The following CADPS variants were observed in gnomAD, a reference collection of about 807,000 sequenced individuals.
The protein encoded by CADPS is calcium-dependent secretion activator 1.
CADPS carries 57 observed loss-of-function variants against 167.3 expected under a neutral mutation model. The observed-to-expected ratio is 0.34, with a 90% CI of 0.28 to 0.42. CADPS has a LOEUF of 0.42. Ranked by LOEUF, CADPS falls within the 20% of genes least tolerant of loss-of-function variation. CADPS has a pLI of 1.00. For synonymous variants in CADPS, 676 were observed against 635.3 expected (o/e 1.06, Z -0.96); for missense variants, 1,414 against 1,738.1 (o/e 0.81, Z 3.32).
At chr3:62,789,590 C>G (rs1021691263) in intron 1 of CADPS, among the ~76,000 whole-genome samples, 1 of 152,154 alleles carries the variant, frequency 6.6e-6, no homozygotes, top group African/African-American at 2.4e-5. Flanking sequence ...TACCAATAGG[C>G]TGGCAAAGAA....
intron 24 of CADPS, among the ~76,000 whole-genome samples, chr3:62,471,486 T>C (rs1419963946): frequency 6.6e-6 from 1 of 152,074 alleles, no homozygotes; most frequent in Non-Finnish European, 1.5e-5. Context: ...TGACAGCAAC[T>C]CCCACGCTCC....
At chr3:62,584,033 C>G (rs1001385282) in intron 8 of CADPS, among the ~76,000 whole-genome samples, 1 of 140,764 alleles carries the variant, frequency 7.1e-6, no homozygotes, top group Non-Finnish European at 1.5e-5. Flanking sequence ...GAGATGGAGT[C>G]TCATTCTGTT....
chr3:62,531,713 A>G (rs1030700732), intron 13 of CADPS, among the ~76,000 whole-genome samples: 4 of 152,144 alleles, frequency 2.6e-5, no homozygotes, highest in African/African-American at 9.7e-5. Flanking sequence ...GTGTGGCTTC[A>G]CTGGCTGTTG....
At chr3:62,401,416 C>T (rs888383964) in intron 29 of CADPS, among the ~76,000 whole-genome samples, 2 of 152,174 alleles carry the variant, frequency 1.3e-5, no homozygotes, top group African/African-American at 2.4e-5. Context: ...TTTCTGAATC[C>T]TCCATCTGGT....
At chr3:62,576,869 G>A (rs2082391654) in intron 8 of CADPS, among the ~76,000 whole-genome samples, 1 of 148,786 alleles carries the variant, frequency 6.7e-6, no homozygotes, top group Admixed American at 6.8e-5. Context: ...TGTTGGGAAG[G>A]AAAGTGAGGT....
chr3:62,650,248 A>G (rs912124115), intron 5 of CADPS, among the ~76,000 whole-genome samples: 2 of 152,200 alleles, frequency 1.3e-5, no homozygotes, highest in Non-Finnish European at 2.9e-5. Context: ...TGCATAGTGA[A>G]CTACCTTCCC....
At chr3:62,512,934 A>G (rs1350866113) in intron 16 of CADPS, among the ~76,000 whole-genome samples, 166 bp from the exon 17 acceptor site, 1 of 152,126 alleles carries the variant, frequency 6.6e-6, no homozygotes, top group African/African-American at 2.4e-5. Context: ...TTTGGGGGCC[A>G]GCAAAAAAGG....
intron 19 of CADPS, 39 bp downstream of exon 19, chr3:62,493,606 G>C: frequency 6.6e-7 from 1 of 1,517,678 alleles, no homozygotes; most frequent in Non-Finnish European, 9.0e-7. Context: ...CAGAATAGGG[G>C]TCCACCTCTC....
Position 62,874,201 on chromosome 3 carries a change from C to A in CADPS, c.441+388G>T, listed in dbSNP as rs191208683. On this transcript the variant is annotated intron_variant, in intron 1 of 29. Coordinates refer to ENST00000383710, the MANE Select transcript of CADPS (RefSeq NM_003716.4). The surrounding 1 kb of genome is among the most constrained non-coding windows in gnomAD (Gnocchi z 7.1). ...GGGCCCGGAGTTGAGCGCAGCCGCCCGCCGCTGGAGAGCGCTGGGAGCCCT... is the reference window on the plus strand; with the variant it reads ...GGGCCCGGAGTTGAGCGCAGCCGCCAGCCGCTGGAGAGCGCTGGGAGCCCT... Among the ~76,000 whole-genome samples, 1,865 of 152,268 alleles carry A rather than the reference C, an allele frequency of 0.012. 24 individuals carry two copies. The highest frequency in any genetic ancestry group is 0.024 in the Middle Eastern group (7 of 292).
intron 3 of CADPS, among the ~76,000 whole-genome samples, chr3:62,718,206 G>T (rs1506744): frequency 0.55 from 83,107 of 151,916 alleles, 23,094 homozygotes; most frequent in East Asian, 0.74. Context: ...GCTCCCTAGT[G>T]CCAAGAACCC....
chr3:62,788,348 G>C (rs1172202471), intron 1 of CADPS, among the ~76,000 whole-genome samples: 1 of 152,178 alleles, frequency 6.6e-6, no homozygotes, highest in East Asian at 1.9e-4. Flanking sequence ...TGAATCCCTA[G>C]GTTTTCTCAG....
intron 6 of CADPS, among the ~76,000 whole-genome samples, chr3:62,605,391 C>T (rs1422278435): frequency 1.3e-5 from 2 of 152,204 alleles, no homozygotes; most frequent in Admixed American, 1.3e-4. Context: ...TCTTCTATAT[C>T]TATCATCTAA....
At chr3:62,630,047 T>C (rs902433227) in intron 6 of CADPS, among the ~76,000 whole-genome samples, 10 of 152,206 alleles carry the variant, frequency 6.6e-5, no homozygotes, top group African/African-American at 2.4e-4. Context: ...TTATTTCATT[T>C]GTTTACATAC....
intron 1 of CADPS, among the ~76,000 whole-genome samples, chr3:62,866,112 C>T (rs1414071497): frequency 6.6e-6 from 1 of 152,132 alleles, no homozygotes; most frequent in African/African-American, 2.4e-5. Flanking sequence ...AACTAGGATT[C>T]ACCCATTGCA....
intron 28 of CADPS, among the ~76,000 whole-genome samples, chr3:62,410,033 AACACACACACATACATATAT>A (rs1206994499): frequency 6.6e-6 from 1 of 152,118 alleles, no homozygotes; most frequent in East Asian, 1.9e-4. Flanking sequence ...CACTTTTAGC[AACACACACACATACATATAT>A]ACACACACAC....
At position 62,398,544 on chromosome 3, in the gene CADPS, CA is replaced by C. The variant is rs1704845466; in HGVS notation, c.*861del. 1 of 152,500 alleles carries C rather than the reference CA, an allele frequency of 6.6e-6. No individual in the cohort carries two copies. Among genetic ancestry groups the C allele is most frequent in the South Asian group, 2.1e-4 (1 of 4,824 alleles). The allele number at this position is 152,500 out of a possible 1,614,324, so 9.4% of individuals were successfully genotyped here. A position where few individuals can be genotyped will look rare whatever the true frequency, so the allele number is the denominator to read the frequency against. On this transcript the variant is annotated 3_prime_UTR_variant, in exon 30 of 30. Coordinates refer to ENST00000383710, the MANE Select transcript of CADPS (RefSeq NM_003716.4). ...GACAGATATAAAAAACAGTGTGGAACAAAATAATTTAAATTATGGTTACAAT... is the reference window on the plus strand; with the variant it reads ...GACAGATATAAAAAACAGTGTGGAACAAATAATTTAAATTATGGTTACAAT...
intron 8 of CADPS, among the ~76,000 whole-genome samples, chr3:62,580,595 TA>T (rs200583941): frequency 0.011 from 1,226 of 115,544 alleles, 10 homozygotes; most frequent in South Asian, 0.047. Context: ...TAAAAAAAAA[TA>T]AAAAAAAAAA....
intron 3 of CADPS, among the ~76,000 whole-genome samples, chr3:62,702,380 TC>T (rs1171092146): frequency 2.0e-5 from 3 of 152,254 alleles, no homozygotes; most frequent in Non-Finnish European, 1.5e-5. Flanking sequence ...AGCTGCCAGT[TC>T]CAATTCTAGG....
chr3:62,798,357 C>T (rs2218043), intron 1 of CADPS, among the ~76,000 whole-genome samples: 90,810 of 151,914 alleles, frequency 0.6, 28,210 homozygotes, highest in East Asian at 0.83. Context: ...ATCCTCCTTC[C>T]AGCAGGAAGC....
Sources: allele counts gnomAD v4.1 joint callset (sites outside exome capture counted in the v4.1 genomes callset), GRCh38; gene constraint gnomAD v4.1.1; non-coding constraint Gnocchi (gnomAD v3.1); transcripts MANE v1.5; gene names NCBI Gene and HGNC (gene_info 2026-07-23, HGNC 2026-07-21).